Variants in PHF20 observed in about 807,000 individuals in gnomAD.
PHF20 encodes glioma-expressed antigen 2.
In PHF20, 23 loss-of-function variants were observed where a neutral mutation model predicts 113.5. The ratio of observed to expected loss-of-function variants is 0.20; its 90% CI spans 0.15 to 0.29. The LOEUF (loss-of-function observed/expected upper bound fraction) is 0.29, where lower values mean the gene tolerates loss of function less well. PHF20 is among the 10% of genes least tolerant of loss of function. The pLI is 1.00. For synonymous variants in PHF20, 434 were observed against 457.3 expected, an observed-to-expected ratio of 0.95 and a Z score of 0.65; for missense variants, 943 against 1,219.6, an observed-to-expected ratio of 0.77 and a Z score of 3.38.
chr20:35,924,610 T>A (rs558271340), intron 13 of PHF20, among the ~76,000 whole-genome samples: 11 of 152,082 alleles, frequency 7.2e-5, no homozygotes, highest in African/African-American at 2.7e-4. Context: ...ATTTTATTTT[T>A]TTGACGGAGA....
At chr20:35,776,611 C>T (rs1387627373) in intron 1 of PHF20, among the ~76,000 whole-genome samples, 1 of 152,184 alleles carries the variant, frequency 6.6e-6, no homozygotes, top group Admixed American at 6.6e-5. Context: ...CTGGCTGTCA[C>T]CTGTCTGGCC....
chr20:35,902,008 A>G (rs2147062031), intron 10 of PHF20, among the ~76,000 whole-genome samples: 1 of 152,042 alleles, frequency 6.6e-6, no homozygotes, highest in South Asian at 2.1e-4. Flanking sequence ...TCTTTTTAAT[A>G]AGCCTGTTTC....
At chr20:35,785,976 G>A (rs2041401257) in intron 1 of PHF20, among the ~76,000 whole-genome samples, 1 of 148,054 alleles carries the variant, frequency 6.8e-6, no homozygotes, top group South Asian at 2.1e-4. Flanking sequence ...AGGTTGCAGT[G>A]AGCTGAGATT....
chr20:35,795,986 G>C (rs2041658816), intron 1 of PHF20, among the ~76,000 whole-genome samples: 2 of 152,110 alleles, frequency 1.3e-5, no homozygotes, highest in African/African-American at 2.4e-5. Context: ...GAGTAGCTGG[G>C]ACTACAGGTG....
chr20:35,772,798 C>A (rs188264094), intron 1 of PHF20, among the ~76,000 whole-genome samples: 8 of 152,184 alleles, frequency 5.3e-5, no homozygotes, highest in African/African-American at 1.9e-4. Flanking sequence ...GATCTGGGGT[C>A]CATTAGCTAA....
At chr20:35,872,803 A>G (rs1050415327) in intron 9 of PHF20, among the ~76,000 whole-genome samples, 2 of 152,186 alleles carry the variant, frequency 1.3e-5, no homozygotes, top group Non-Finnish European at 2.9e-5. Context: ...GATTTAATTT[A>G]TGGTCCAGCA....
Position 35,870,937 on chromosome 20 carries a change from C to G in PHF20, c.923-18C>G, listed in dbSNP as rs2054409991. On this transcript the variant is annotated intron_variant, in intron 7 of 17. Transcript: ENST00000374012. ...TCTTGTTGGTCTCTTGACTACAACTCTCTTAATGGTTTAATAGCCCAGGAA... is the reference window on the plus strand; with the variant it reads ...TCTTGTTGGTCTCTTGACTACAACTGTCTTAATGGTTTAATAGCCCAGGAA... The G allele has an allele frequency of 1.3e-6, 2 of 1,569,318 alleles. No individual in the cohort carries two copies. The highest frequency in any genetic ancestry group is 2.1e-5 in the Admixed American group (1 of 47,614).
chr20:35,810,876 A>G (rs1045504777), intron 2 of PHF20, among the ~76,000 whole-genome samples: 2 of 152,078 alleles, frequency 1.3e-5, no homozygotes, highest in African/African-American at 4.8e-5. Context: ...TTATCTCTAG[A>G]CTGAAAGTGG....
intron 9 of PHF20, among the ~76,000 whole-genome samples, chr20:35,875,805 T>G (rs1181031041): frequency 6.6e-6 from 1 of 152,182 alleles, no homozygotes; most frequent in Non-Finnish European, 1.5e-5. Context: ...CCTACACCAC[T>G]AGGAAACACG....
intron 1 of PHF20, among the ~76,000 whole-genome samples, chr20:35,796,010 C>G (rs533160649): frequency 1.3e-5 from 2 of 152,116 alleles, no homozygotes; most frequent in African/African-American, 4.8e-5. Context: ...ACCACCATGC[C>G]CAGCTAATTT....
At chr20:35,898,357 G>GT (rs2055030350) in intron 9 of PHF20, among the ~76,000 whole-genome samples, 1 of 152,214 alleles carries the variant, frequency 6.6e-6, no homozygotes, top group Non-Finnish European at 1.5e-5. Context: ...CACACAGATA[G>GT]GTACCAGGAT....
At chr20:35,870,383 A>G (rs1164457428) in intron 7 of PHF20, among the ~76,000 whole-genome samples, 1 of 150,210 alleles carries the variant, frequency 6.7e-6, no homozygotes, top group African/African-American at 2.4e-5. Context: ...TGGGAGGCTG[A>G]GGCAGGAGAA....
At position 35,950,061 on chromosome 20, in the gene PHF20, T is replaced by TA. The variant is rs2056153141; in HGVS notation, c.*2439dup. ...ACTGCAAGACTCCATCTCAAAAAAA[T>TA]AAAAATAAAAGAAAAGAAAGAAATA... is the stretch of plus-strand genomic sequence containing the variant. On this transcript the variant is annotated 3_prime_UTR_variant, in exon 18 of 18. Transcript: ENST00000374012. 1 of 152,402 alleles carries TA rather than the reference T, an allele frequency of 6.6e-6. No homozygotes were observed. Among genetic ancestry groups the TA allele is most frequent in the African/African-American group, 2.4e-5 (1 of 41,376 alleles). 9.4% of individuals were successfully genotyped at this position (152,402 alleles called of 1,614,324 possible). A position where few individuals can be genotyped will look rare whatever the true frequency, so the allele number is the denominator to read the frequency against.
intron 2 of PHF20, among the ~76,000 whole-genome samples, chr20:35,822,086 G>T (rs923631581): frequency 6.6e-6 from 1 of 152,208 alleles, no homozygotes; most frequent in Admixed American, 6.5e-5. Flanking sequence ...ATGTTCAAGT[G>T]TGAGCCCTGG....
rs1209258382 is a variant in PHF20 at position 35,943,772 on chromosome 20, C to T, written c.2896+2725C>T. The stretch of plus-strand genomic sequence containing the variant: ...AGTAGCTGGGATTATAGGTGCACAC[C>T]GCCATGCCTGGCTAATTTTTGTATT... On this transcript the variant is annotated intron_variant, in intron 17 of 17. Transcript: ENST00000374012. 7.3e-5 allele frequency among the ~76,000 whole-genome samples: 11 copies of T among 150,676 alleles called. No individual in the cohort carries two copies. In the South Asian group the frequency reaches 1.5e-3, roughly 20 times the overall value.
intron 13 of PHF20, among the ~76,000 whole-genome samples, chr20:35,920,759 C>CA (rs2055496391): frequency 6.6e-6 from 1 of 152,232 alleles, no homozygotes; most frequent in Non-Finnish European, 1.5e-5. Context: ...TACATACCCA[C>CA]ACTTTAGGCT....
chr20:35,787,112 C>T (rs1382935880), intron 1 of PHF20, among the ~76,000 whole-genome samples: 1 of 151,818 alleles, frequency 6.6e-6, no homozygotes, highest in African/African-American at 2.4e-5. Context: ...CAGCCTCAGC[C>T]TCCTGAGTAG....
chr20:35,891,879 T>A (rs1371235746), intron 9 of PHF20, among the ~76,000 whole-genome samples: 1 of 152,002 alleles, frequency 6.6e-6, no homozygotes, highest in Non-Finnish European at 1.5e-5. Context: ...TTTATTTATG[T>A]ACTTTTTGAG....
intron 2 of PHF20, among the ~76,000 whole-genome samples, chr20:35,826,974 TAGTC>T (rs1030492797): frequency 1.3e-5 from 2 of 151,490 alleles, no homozygotes; most frequent in East Asian, 1.9e-4. Context: ...TGCAGTTTAA[TAGTC>T]AGCCTTTTGT....
Sources: allele counts gnomAD v4.1 joint callset (sites outside exome capture counted in the v4.1 genomes callset), GRCh38; gene constraint gnomAD v4.1.1; transcripts MANE v1.5; gene names NCBI Gene and HGNC (gene_info 2026-07-23, HGNC 2026-07-21).